The following EDN2 variants were observed in gnomAD, a reference collection of about 807,000 sequenced individuals.
The protein encoded by EDN2 is endothelin-2.
A neutral mutation model predicts 19.9 loss-of-function variants in EDN2; 10 were observed. The ratio of observed to expected loss-of-function variants is 0.50; its 90% CI spans 0.31 to 0.85. The LOEUF (loss-of-function observed/expected upper bound fraction) is 0.85. Among genes scored for constraint, EDN2 ranks in the 40% least tolerant of loss-of-function variants. The pLI, the probability that EDN2 is intolerant of heterozygous loss-of-function variation, is 0.05. For synonymous variants in EDN2, 84 were observed against 94.9 expected, an observed-to-expected ratio of 0.89 and a Z score of 0.67; for missense variants, 222 against 239.3, an observed-to-expected ratio of 0.93 and a Z score of 0.48.
intron 4 of EDN2, chr1:41,480,711 C>A: frequency 2.1e-6 from 1 of 470,374 alleles, no homozygotes; most frequent in South Asian, 1.5e-5. Context: ...ACTGAGGCAC[C>A]AGGGAGGAGA....
rs375216745 is a variant in EDN2, at chr1:41,484,554, G to A, written c.48C>T (p.Leu16=). The A allele has an allele frequency of 4.5e-6, 7 of 1,557,166 alleles. No individual in the cohort carries two copies. The Admixed American group carries it at 9.7e-5, about 22-fold the overall frequency. The change falls in exon 1 of 5, where the codon CTC becomes CTT. Residue 16 remains leucine, a synonymous_variant. Transcript: ENST00000372587. ...GCAGCTCACCTTCATGCAGGGCCAC[G>A]AGCAGGGCTAGCGCAACGGAGCACC... ...TTWCSVALAL[L]VALHEGKGQA...
chr1:41,483,503 G>A (rs1644265835), intron 2 of EDN2, among the ~76,000 whole-genome samples: 1 of 152,216 alleles, frequency 6.6e-6, no homozygotes, highest in African/African-American at 2.4e-5. Flanking sequence ...CTCCCACCCG[G>A]GTGTAGCCAG....
chr1:41,483,680 G>T (rs1213149696), intron 2 of EDN2: 1 of 196,252 alleles, frequency 5.1e-6, no homozygotes, highest in Non-Finnish European at 1.0e-5. Context: ...AGAGCATGCA[G>T]AGGCAGCATG....
At chr1:41,482,233 A>T (rs903619708) in intron 3 of EDN2, among the ~76,000 whole-genome samples, 1 of 152,184 alleles carries the variant, frequency 6.6e-6, no homozygotes, top group Non-Finnish European at 1.5e-5. Flanking sequence ...AGGAGTGAGG[A>T]CATGAGTGTT....
chr1:41,481,198 G>A lies in EDN2; in HGVS notation c.345-5C>T, dbSNP rs562688641. On this transcript the variant is annotated splice_polypyrimidine_tract_variant and splice_region_variant and intron_variant, in intron 3 of 4. Coordinates refer to ENST00000372587, the MANE Select transcript of EDN2 (RefSeq NM_001956.5). ...GGGACTGCCCCGGCTTCAGTCCTACGTGAATAGCATTAGGGCCCAAGTGAT... is the reference window on the plus strand; with the variant it reads ...GGGACTGCCCCGGCTTCAGTCCTACATGAATAGCATTAGGGCCCAAGTGAT... 21 of 1,613,030 alleles carry A rather than the reference G, an allele frequency of 1.3e-5. No individual in the cohort carries two copies. Among genetic ancestry groups the A allele is most frequent in the East Asian group, 6.7e-5 (3 of 44,876 alleles).
intron 4 of EDN2, chr1:41,480,684 G>A (rs1430503695): frequency 2.2e-5 from 10 of 462,802 alleles, no homozygotes; most frequent in South Asian, 1.5e-4. Context: ...ACCTCCTGGG[G>A]GCCAGGTCTG....
intron 2 of EDN2, 185 bp from the exon 3 acceptor site, chr1:41,482,773 C>G: frequency 1.5e-6 from 1 of 678,156 alleles, no homozygotes. Context: ...CCCTTGACCT[C>G]AAGAAGTCAC....
chr1:41,482,542 G>A lies in EDN2; in HGVS notation c.268C>T (p.Arg90Cys), dbSNP rs144539806. The A allele has an allele frequency of 2.4e-4, 384 of 1,588,082 alleles. No homozygotes were observed. Among genetic ancestry groups the A allele is most frequent in the Non-Finnish European group, 3.0e-4 (352 of 1,169,528 alleles). Residue 90 changes from arginine to cysteine, a missense_variant, in exon 3 of 5, where the codon CGC (arginine) becomes TGC (cysteine). Arg to Cys is a radical substitution (Grantham distance 180, BLOSUM62 -3). Transcript: ENST00000372587. Reference protein sequence around the residue: ...GLGNPPRRRRRSLPRRCQCSS... With the variant: ...GLGNPPRRRRCSLPRRCQCSS... ...CACTGACAGCGCCTTGGCAGGGAGC[G>A]GCGCCGGCGTCTTGGCGGGTTTCCC...
chr1:41,484,026 C>G, intron 2 of EDN2, 21 bp downstream of exon 2: 1 of 1,575,942 alleles, frequency 6.3e-7, no homozygotes, highest in East Asian at 2.3e-5. Context: ...CCCCCTGCCC[C>G]CAATCCCCAT....
chr1:41,482,348 C>T lies in EDN2; in HGVS notation c.344+118G>A, dbSNP rs747404830. Reference sequence around the variant, plus strand: ...CAAAGCAGCCTGTGGGCCCCTGGGTCGCTTCTCACCCCCAACTTGCCAGTT... The same window carrying T: ...CAAAGCAGCCTGTGGGCCCCTGGGTTGCTTCTCACCCCCAACTTGCCAGTT... On this transcript the variant is annotated intron_variant, in intron 3 of 4. Coordinates refer to ENST00000372587, the MANE Select transcript of EDN2 (RefSeq NM_001956.5). The T allele has an allele frequency of 4.0e-5, 50 of 1,255,656 alleles. No individual in the cohort carries two copies. In the East Asian group the frequency reaches 7.2e-4, roughly 18 times the overall value. 77.8% of individuals were successfully genotyped at this position (1,255,656 alleles called of 1,614,324 possible).
chr1:41,480,997 G>A (rs1434256903), intron 4 of EDN2, 98 bp downstream of exon 4: 6 of 1,011,754 alleles, frequency 5.9e-6, no homozygotes, highest in Non-Finnish European at 9.1e-6. Flanking sequence ...TCTCTTTGCT[G>A]CCCAATGAGG....
intron 2 of EDN2, among the ~76,000 whole-genome samples, chr1:41,483,318 G>C (rs1025085695): frequency 6.6e-6 from 1 of 152,218 alleles, no homozygotes; most frequent in African/African-American, 2.4e-5. Context: ...CAGGGTTCCC[G>C]CCCTAAGCAA....
At position 41,482,580 on chromosome 1, in the gene EDN2, G is replaced by A; in HGVS notation, c.230C>T (p.Ala77Val). 2.5e-6 allele frequency: 4 copies of A among 1,579,780 alleles called. No individual in the cohort carries two copies. The highest frequency in any genetic ancestry group is 3.4e-6 in the Non-Finnish European group (4 of 1,165,704). The change falls in exon 3 of 5, where the codon GCT (alanine) becomes GTT (valine). Residue 77 changes from alanine (A) to valine (V), a missense_variant. Physicochemically the swap from Ala to Val is moderately conservative, Grantham distance 64. Coordinates refer to ENST00000372587, the MANE Select transcript of EDN2 (RefSeq NM_001956.5). ...TGGCGGGTTTCCCAGGCCGTAAGGAGCTGTCTGTCTGTGGGCGGGCAGCCA... is the reference window on the plus strand; with the variant it reads ...TGGCGGGTTTCCCAGGCCGTAAGGAACTGTCTGTCTGTGGGCGGGCAGCCA... ...IIWVNTPEQT[A>V]PYGLGNPPRR...
chr1:41,481,624 C>G (rs1472890925), intron 3 of EDN2, among the ~76,000 whole-genome samples: 1 of 151,432 alleles, frequency 6.6e-6, no homozygotes, highest in Non-Finnish European at 1.5e-5. Context: ...ACTGCAGCAT[C>G]TGCCTCCCAG....
In EDN2 at chr1:41,479,491, G is replaced by A. The variant is rs768268158; in HGVS notation, c.455C>T (p.Thr152Ile). The A allele has an allele frequency of 4.3e-6, 7 of 1,614,026 alleles. No individual in the cohort carries two copies. The African/African-American group carries it at 5.3e-5, about 12-fold the overall frequency. Residue 152 changes from threonine (T) to isoleucine (I), a missense_variant, in exon 5 of 5, where the codon ACA becomes ATA. Thr to Ile is a moderately conservative substitution (Grantham distance 89). Transcript: ENST00000372587. Reference protein sequence around the residue: ...ELLQRLRDISTVKSLFAKRQQ... With the variant: ...ELLQRLRDISIVKSLFAKRQQ... ...TCGCTTGGCAAAGAGGCTCTTGACT[G>A]TGGAAATGTCCCTGGGAATCAAGAA...
chr1:41,479,311 C>T lies in EDN2; in HGVS notation c.*98G>A, dbSNP rs755009446. ...GTCCAGCTGTCTGGGACCAAGGCCC[C>T]GGTCCAGGAAGCAGGCAGAGAGTCC... On this transcript the variant is annotated 3_prime_UTR_variant, in exon 5 of 5. Transcript: ENST00000372587. 3.3e-5 allele frequency: 35 copies of T among 1,063,656 alleles called. No individual in the cohort carries two copies. The East Asian group carries it at 4.1e-4, about 12-fold the overall frequency. 65.9% of individuals were successfully genotyped at this position (1,063,656 alleles called of 1,614,324 possible).
chr1:41,483,925 T>C, intron 2 of EDN2, 122 bp downstream of exon 2: 1 of 1,031,452 alleles, frequency 9.7e-7, no homozygotes, highest in Non-Finnish European at 1.4e-6. Flanking sequence ...TATTAGCCAG[T>C]GCCTCCATCT....
chr1:41,484,164 GA>G lies in EDN2; in HGVS notation c.103del (p.Ser35ProfsTer36). ...GTGGGTGCCTTGGGCATGAGATGAG[GA>G]CGCTGGCTGCTCCAGGGTGGCAGCA... ...QAAATLEQPA[S>X]SSHAQGTHLR... On this transcript the variant is annotated frameshift_variant, in exon 2 of 5. Transcript: ENST00000372587. LOFTEE classifies it high-confidence loss of function. 6.2e-7 allele frequency: 1 copy of G among 1,613,028 alleles called. No individual in the cohort carries two copies. Among genetic ancestry groups the G allele is most frequent in the South Asian group, 1.1e-5 (1 of 91,036 alleles).
chr1:41,481,925 C>T (rs1482171618), intron 3 of EDN2, among the ~76,000 whole-genome samples: 1 of 152,212 alleles, frequency 6.6e-6, no homozygotes, highest in African/African-American at 2.4e-5. Context: ...CACCACTTTA[C>T]AGATGGGAAA....
Sources: gnomAD v4.1 joint callset for allele counts (sites outside exome capture counted in the v4.1 genomes callset) on GRCh38, gnomAD v4.1.1 for gene constraint, MANE v1.5 for transcripts, NCBI Gene and HGNC (gene_info 2026-07-23, HGNC 2026-07-21) for gene names.